NTN1: variants seen among roughly 807,000 people sequenced by gnomAD.
The protein encoded by NTN1 is netrin 1, also known as netrin-1.
A neutral mutation model predicts 54.2 loss-of-function variants in NTN1; 11 were observed. That is an observed-to-expected ratio of 0.20 (90% CI 0.13 to 0.34). NTN1 has a LOEUF of 0.34. Ranked by LOEUF, NTN1 falls within the 10% of genes least tolerant of loss-of-function variation. The pLI is 1.00. For synonymous variants in NTN1, 371 were observed against 382.0 expected (o/e 0.97, Z 0.33); for missense variants, 740 against 893.1 (o/e 0.83, Z 2.18).
chr17:9,213,097 C>T (rs922137802), intron 5 of NTN1, among the ~76,000 whole-genome samples: 1 of 152,154 alleles, frequency 6.6e-6, no homozygotes, highest in Non-Finnish European at 1.5e-5. Flanking sequence ...GTGGGTCGGT[C>T]AGGGGAGCAG....
At chr17:9,105,110 A>G (rs2092161801) in intron 2 of NTN1, among the ~76,000 whole-genome samples, 1 of 152,206 alleles carries the variant, frequency 6.6e-6, no homozygotes, top group African/African-American at 2.4e-5. Flanking sequence ...CAGAATGAAA[A>G]GACGTGGTGT....
Position 9,234,423 on chromosome 17 carries a change from A to G in NTN1, c.1487-5217A>G, listed in dbSNP as rs1329724393. 5.3e-5 allele frequency among the ~76,000 whole-genome samples: 8 copies of G among 152,288 alleles called. No individual in the cohort carries two copies. The East Asian group carries it at 1.5e-3, about 29-fold the overall frequency. On this transcript the variant is annotated intron_variant, in intron 6 of 6. Transcript: ENST00000173229. ...GGAGACAAAGCTCAGCCAGGTGCCT[A>G]GGACCTGGACAGCAGAGGCCACTCC...
Position 9,179,484 on chromosome 17 carries a change from G to A in NTN1, c.1208-323G>A, listed in dbSNP as rs147149961. Among the ~76,000 whole-genome samples, 283 of 152,364 alleles carry A rather than the reference G, an allele frequency of 1.9e-3. 1 individual carries two copies. Among genetic ancestry groups the A allele is most frequent in the Middle Eastern group, 6.8e-3 (2 of 294 alleles). ...CCTGACTCCTCCACCCAGGCGTGAT[G>A]AGGGCTACGGGCTCTGCCTTCCCGA... On this transcript the variant is annotated intron_variant, in intron 3 of 6. Coordinates refer to ENST00000173229, the MANE Select transcript of NTN1 (RefSeq NM_004822.3).
At chr17:9,011,552 C>T in the NTN1 span, among the ~76,000 whole-genome samples, 6 of 152,184 alleles carry the variant, frequency 3.9e-5, no homozygotes, top group Non-Finnish European at 7.3e-5. Flanking sequence ...TATAAGGTAA[C>T]ATTCACTGGT....
chr17:9,067,050 C>A (rs778676644), intron 2 of NTN1, among the ~76,000 whole-genome samples: 2 of 149,664 alleles, frequency 1.3e-5, no homozygotes, highest in Admixed American at 6.7e-5. Flanking sequence ...TTTGGGAGGC[C>A]GAGGTGGGCG....
At position 9,148,028 on chromosome 17, in the gene NTN1, A is replaced by G. The variant is rs118076396; in HGVS notation, c.1019-14785A>G. Among the ~76,000 whole-genome samples, 355 of 152,272 alleles carry G rather than the reference A, an allele frequency of 2.3e-3. 1 individual carries two copies. The highest frequency in any genetic ancestry group is 3.7e-3 in the Non-Finnish European group (251 of 68,022). On this transcript the variant is annotated intron_variant, in intron 2 of 6. Transcript: ENST00000173229. ...GGAACTGGAGTGTGATTGGTTCCAC[A>G]TGGGGATCTTTGCATGTGAAGTGGG...
At chr17:9,149,887 T>C (rs1357822042) in intron 2 of NTN1, among the ~76,000 whole-genome samples, 4 of 151,850 alleles carry the variant, frequency 2.6e-5, no homozygotes, top group Admixed American at 2.6e-4. Context: ...ACCAACATGG[T>C]GAAACCCCAT....
At chr17:9,115,382 C>T (rs2092207733) in intron 2 of NTN1, among the ~76,000 whole-genome samples, 2 of 152,220 alleles carry the variant, frequency 1.3e-5, no homozygotes, top group South Asian at 4.1e-4. Flanking sequence ...ATGTGTTCCC[C>T]AGGGTCTCCC....
At chr17:9,006,094 G>A in the NTN1 span, among the ~76,000 whole-genome samples, 4 of 150,326 alleles carry the variant, frequency 2.7e-5, no homozygotes, top group African/African-American at 9.8e-5. Flanking sequence ...TTGGAGGTGT[G>A]AAGTGGGCGG....
At chr17:9,161,118 A>T (rs2142297293) in intron 2 of NTN1, among the ~76,000 whole-genome samples, 1 of 152,366 alleles carries the variant, frequency 6.6e-6, no homozygotes, top group Non-Finnish European at 1.5e-5. Flanking sequence ...AGAAGAAGGC[A>T]GGTGACAGGC....
At chr17:9,089,039 T>C (rs1169206432) in intron 2 of NTN1, among the ~76,000 whole-genome samples, 1 of 152,168 alleles carries the variant, frequency 6.6e-6, no homozygotes, top group Admixed American at 6.5e-5. Flanking sequence ...GACCCCCAGC[T>C]TAGGGTACAG....
At chr17:9,025,336 A>G (rs2091866420) in intron 2 of NTN1, among the ~76,000 whole-genome samples, 1 of 152,226 alleles carries the variant, frequency 6.6e-6, no homozygotes, top group Non-Finnish European at 1.5e-5. Context: ...AGCACTAACT[A>G]TGCACACAAA....
At chr17:9,198,268 A>C (rs766643485) in intron 5 of NTN1, among the ~76,000 whole-genome samples, 34 of 152,146 alleles carry the variant, frequency 2.2e-4, no homozygotes, top group Non-Finnish European at 3.8e-4. Context: ...ATATCCAAGA[A>C]GTTGTCATAT....
chr17:9,232,567 C>A (rs761263609), intron 6 of NTN1, among the ~76,000 whole-genome samples: 1 of 152,154 alleles, frequency 6.6e-6, no homozygotes, highest in Non-Finnish European at 1.5e-5. Flanking sequence ...GCCAGCTCTA[C>A]GTTGGGTGTC....
intron 5 of NTN1, among the ~76,000 whole-genome samples, chr17:9,215,551 G>T (rs1004686399): frequency 4.6e-5 from 7 of 152,258 alleles, no homozygotes; most frequent in African/African-American, 9.6e-5. Context: ...TTTCAAAAAG[G>T]ATACATAATT....
intron 2 of NTN1, among the ~76,000 whole-genome samples, chr17:9,033,796 A>C (rs1190739647): frequency 6.6e-6 from 1 of 152,064 alleles, no homozygotes; most frequent in African/African-American, 2.4e-5. Context: ...ACGTGCCTGT[A>C]ATCCCAGCTA....
rs1906104747 is a variant in NTN1, at chr17:9,239,344, G to A, written c.1487-296G>A. 6.6e-6 allele frequency among the ~76,000 whole-genome samples: 1 copy of A among 152,194 alleles called. No homozygotes were observed. The highest frequency in any genetic ancestry group is 1.5e-5 in the Non-Finnish European group (1 of 68,028). On this transcript the variant is annotated intron_variant, in intron 6 of 6. Transcript: ENST00000173229. The surrounding 1 kb of genome is among the most constrained non-coding windows in gnomAD (Gnocchi z 5.2). Reference sequence around the variant, plus strand: ...AGCTTGCCCAGAGTGCTGGGGGCGTGGTCAGCACCTGTAGGCTTCCTGGAC... The same window carrying A: ...AGCTTGCCCAGAGTGCTGGGGGCGTAGTCAGCACCTGTAGGCTTCCTGGAC...
rs2092414249 is a variant in NTN1, at chr17:9,180,090, G to A, written c.1357+134G>A. The A allele has an allele frequency of 6.3e-6, 6 of 953,898 alleles. 1 individual carries two copies. In the Admixed American group the frequency reaches 1.2e-4, roughly 19 times the overall value. The allele number at this position is 953,898 out of a possible 1,614,324, so 59.1% of individuals were successfully genotyped here. The stretch of plus-strand genomic sequence containing the variant: ...GTCTCACTGTGTCGCCCAGGCTGGA[G>A]TGCAGTGGCACGATCTCAGCTCACT... On this transcript the variant is annotated intron_variant, in intron 4 of 6. Transcript: ENST00000173229.
chr17:9,170,390 C>A (rs956080315), intron 3 of NTN1, among the ~76,000 whole-genome samples: 1 of 152,202 alleles, frequency 6.6e-6, no homozygotes, highest in African/African-American at 2.4e-5. Context: ...AGCAGAGACA[C>A]TTTCTTTGAC....
Sources: allele counts gnomAD v4.1 joint callset (sites outside exome capture counted in the v4.1 genomes callset), GRCh38; gene constraint gnomAD v4.1.1; non-coding constraint Gnocchi (gnomAD v3.1); transcripts MANE v1.5; gene names NCBI Gene and HGNC (gene_info 2026-07-23, HGNC 2026-07-21).